NALCN: variants seen among roughly 807,000 people sequenced by gnomAD.
The protein encoded by NALCN is sodium leak channel, non-selective.
In NALCN, 111 loss-of-function variants were observed where a neutral mutation model predicts 225.3. The ratio of observed to expected loss-of-function variants is 0.49; its 90% CI spans 0.42 to 0.58. NALCN has a LOEUF of 0.58. Ranked by LOEUF, NALCN falls within the 20% of genes least tolerant of loss-of-function variation. The pLI is 0.00. For missense variants in NALCN, 1,378 were observed against 2,202.4 expected (o/e 0.63, Z 7.49); for synonymous variants, 764 against 769.0 (o/e 0.99, Z 0.11).
chr13:101,071,376 T>C (rs190975269), intron 37 of NALCN, among the ~76,000 whole-genome samples: 12 of 152,320 alleles, frequency 7.9e-5, no homozygotes, highest in Admixed American at 7.8e-4. Flanking sequence ...ACATTGAAAA[T>C]CCATTGTTTA....
intron 18 of NALCN, among the ~76,000 whole-genome samples, chr13:101,119,796 T>G (rs974086015): frequency 1.3e-5 from 2 of 152,246 alleles, no homozygotes; most frequent in Non-Finnish European, 2.9e-5. Flanking sequence ...CTGGATTTTA[T>G]AATTCAGGTA....
chr13:101,273,481 C>CTA (rs1053481805), intron 10 of NALCN, among the ~76,000 whole-genome samples: 17 of 152,204 alleles, frequency 1.1e-4, no homozygotes, highest in African/African-American at 3.9e-4. Flanking sequence ...GCCTTATTGA[C>CTA]TAAACATGGG....
At chr13:101,200,570 T>C (rs750041392) in intron 13 of NALCN, among the ~76,000 whole-genome samples, 32 of 152,178 alleles carry the variant, frequency 2.1e-4, no homozygotes, top group Non-Finnish European at 3.5e-4. Flanking sequence ...GCTTCTCTTT[T>C]GTTCCTAGCA....
intron 6 of NALCN, among the ~76,000 whole-genome samples, chr13:101,375,684 A>C (rs1165644525): frequency 6.6e-6 from 1 of 152,210 alleles, no homozygotes; most frequent in Non-Finnish European, 1.5e-5. Context: ...AGATTTTTCA[A>C]TCGGTAATTT....
chr13:101,325,627 C>T (rs542113467), intron 7 of NALCN, among the ~76,000 whole-genome samples: 1 of 152,182 alleles, frequency 6.6e-6, no homozygotes, highest in African/African-American at 2.4e-5. Flanking sequence ...TGTTCATCAT[C>T]CAGGCTAGTG....
chr13:101,211,774 T>G (rs2040534784), intron 13 of NALCN, among the ~76,000 whole-genome samples: 1 of 151,752 alleles, frequency 6.6e-6, no homozygotes, highest in Non-Finnish European at 1.5e-5. Context: ...AGACTCAATT[T>G]TATGAAACTG....
chr13:101,121,120 G>A (rs1202912362), intron 18 of NALCN, among the ~76,000 whole-genome samples: 1 of 152,062 alleles, frequency 6.6e-6, no homozygotes, highest in Admixed American at 6.6e-5. Context: ...AGATTAGTGA[G>A]GTGTTCAATG....
intron 27 of NALCN, among the ~76,000 whole-genome samples, chr13:101,098,642 C>T (rs987262533): frequency 4.6e-5 from 7 of 152,208 alleles, no homozygotes; most frequent in African/African-American, 1.7e-4. Flanking sequence ...TTGTCTTTAA[C>T]AGGAACTGTG....
At chr13:101,103,465 C>A in intron 25 of NALCN, 126 bp from the exon 26 acceptor site, 1 of 1,111,890 alleles carries the variant, frequency 9.0e-7, no homozygotes. Flanking sequence ...TACGTGCCAT[C>A]TGTTAACTTT....
chr13:101,158,157 C>T (rs2037996887), intron 15 of NALCN, among the ~76,000 whole-genome samples: 3 of 124,012 alleles, frequency 2.4e-5, no homozygotes, highest in Admixed American at 1.7e-4. Flanking sequence ...CACTGACCTC[C>T]CTTCTAGTTT....
chr13:101,395,475 A>G, intron 2 of NALCN, 110 bp from the exon 3 acceptor site: 9 of 1,003,278 alleles, frequency 9.0e-6, no homozygotes, highest in Non-Finnish European at 1.3e-5. Flanking sequence ...ATAGTTTACT[A>G]ATGTGGAGGT....
chr13:101,167,677 A>C (rs1386977131), intron 15 of NALCN, among the ~76,000 whole-genome samples: 1 of 151,180 alleles, frequency 6.6e-6, no homozygotes, highest in African/African-American at 2.4e-5. Flanking sequence ...GTCTCTACTG[A>C]AAATACAAAA....
At chr13:101,300,908 GTTTC>G (rs2043942127) in intron 7 of NALCN, among the ~76,000 whole-genome samples, 2 of 152,178 alleles carry the variant, frequency 1.3e-5, no homozygotes, top group East Asian at 3.9e-4. Context: ...TTTGATTTTG[GTTTC>G]TTTGTTTGTT....
intron 9 of NALCN, among the ~76,000 whole-genome samples, chr13:101,288,735 T>C (rs757742223): frequency 5.3e-5 from 8 of 152,240 alleles, no homozygotes; most frequent in Non-Finnish European, 1.0e-4. Flanking sequence ...TATGATCCTA[T>C]TGGATTATGA....
At chr13:101,271,164 T>C (rs895069262) in intron 10 of NALCN, among the ~76,000 whole-genome samples, 4 of 152,146 alleles carry the variant, frequency 2.6e-5, no homozygotes, top group Non-Finnish European at 4.4e-5. Context: ...AGCAAAACTG[T>C]TTAATTGCCA....
chr13:101,311,896 C>T (rs2044360573), intron 7 of NALCN, among the ~76,000 whole-genome samples: 2 of 151,842 alleles, frequency 1.3e-5, no homozygotes, highest in Admixed American at 6.6e-5. Flanking sequence ...GGGAGGATTC[C>T]CTCTTTTTCT....
intron 14 of NALCN, among the ~76,000 whole-genome samples, chr13:101,178,964 A>C (rs2039078278): frequency 6.6e-6 from 1 of 152,174 alleles, no homozygotes; most frequent in Non-Finnish European, 1.5e-5. Flanking sequence ...GTGGGTTGGC[A>C]GGAGATTTTA....
chr13:101,108,282 T>C (rs1487596336), intron 20 of NALCN, among the ~76,000 whole-genome samples: 1 of 152,080 alleles, frequency 6.6e-6, no homozygotes, highest in Non-Finnish European at 1.5e-5. Context: ...TAAAAAGTAA[T>C]TCATTCAGCA....
chr13:101,173,284 A>T (rs2038820854), intron 15 of NALCN, among the ~76,000 whole-genome samples: 1 of 152,188 alleles, frequency 6.6e-6, no homozygotes, highest in Non-Finnish European at 1.5e-5. Context: ...TTTATAAACA[A>T]ATAATTCATA....
Sources: allele counts gnomAD v4.1 joint callset (sites outside exome capture counted in the v4.1 genomes callset), GRCh38; gene constraint gnomAD v4.1.1; transcripts MANE v1.5; gene names NCBI Gene and HGNC (gene_info 2026-07-23, HGNC 2026-07-21).